Variants in ACTN2 observed in about 807,000 individuals in gnomAD.
ACTN2 encodes the protein actinin alpha 2, also known as alpha-actinin-2.
In ACTN2, 39 loss-of-function variants were observed where a neutral mutation model predicts 113.8. The observed-to-expected ratio is 0.34, with a 90% CI of 0.27 to 0.45. The LOEUF (loss-of-function observed/expected upper bound fraction) is 0.45, where lower values mean the gene tolerates loss of function less well. Among genes scored for constraint, ACTN2 ranks in the 20% least tolerant of loss-of-function variants. The probability of loss-of-function intolerance (pLI) is 1.00; values close to 1 mark genes in which losing one functional copy is unlikely to be tolerated. For missense variants in ACTN2, 992 were observed against 1,177.9 expected, an observed-to-expected ratio of 0.84 and a Z score of 2.31; for synonymous variants, 429 against 444.1, an observed-to-expected ratio of 0.97 and a Z score of 0.43.
In ACTN2 at chr1:236,747,086, C is replaced by T. The variant is rs139794795; in HGVS notation, c.1407-581C>T. On this transcript the variant is annotated intron_variant, in intron 12 of 20. Coordinates refer to ENST00000366578, the MANE Select transcript of ACTN2 (RefSeq NM_001103.4). The stretch of plus-strand genomic sequence containing the variant: ...CTCCAGGTCAGAGAGTGATGTCTTC[C>T]GACCTTCACTCATAGGGACATTGCC... 8.3e-3 allele frequency among the ~76,000 whole-genome samples: 1,270 copies of T among 152,260 alleles called. 19 individuals carry two copies. The highest frequency in any genetic ancestry group is 0.028 in the African/African-American group (1,157 of 41,534).
rs538379589 is a variant in ACTN2 at position 236,734,604 on chromosome 1, C to T, written c.698-1031C>T. ...CAATTGTTTTCCTCTTTTTTCCCCC[C>T]TCTCCTCCGAGTAAGGAGACTGTCT... On this transcript the variant is annotated intron_variant, in intron 7 of 20. Transcript: ENST00000366578. The T allele has an allele frequency of 4.0e-6, 4 of 988,624 alleles. No homozygotes were observed. The South Asian group carries it at 5.0e-5, about 12-fold the overall frequency. The allele number at this position is 988,624 out of a possible 1,614,324, so 61.2% of individuals were successfully genotyped here. A position where few individuals can be genotyped will look rare whatever the true frequency, so the allele number is the denominator to read the frequency against.
chr1:236,723,690 C>G (rs1349639340), intron 4 of ACTN2, among the ~76,000 whole-genome samples: 1 of 152,092 alleles, frequency 6.6e-6, no homozygotes, highest in Non-Finnish European at 1.5e-5. Context: ...CTCCTGACCT[C>G]AGGTAATCCA....
At chr1:236,736,186 A>T (rs1451871423) in intron 8 of ACTN2, among the ~76,000 whole-genome samples, 1 of 152,242 alleles carries the variant, frequency 6.6e-6, no homozygotes, top group African/African-American at 2.4e-5. Flanking sequence ...ACAGAGTTGG[A>T]ACCTCAAAAA....
At chr1:236,727,466 T>C (rs1658586379) in intron 5 of ACTN2, among the ~76,000 whole-genome samples, 1 of 152,010 alleles carries the variant, frequency 6.6e-6, no homozygotes, top group African/African-American at 2.4e-5. Flanking sequence ...AGGGCAAGTC[T>C]CAGGCAAGGA....
chr1:236,720,253 T>A, intron 4 of ACTN2, 62 bp downstream of exon 4: 1 of 1,351,058 alleles, frequency 7.4e-7, no homozygotes, highest in Admixed American at 1.7e-5. Context: ...GAATTAAAAT[T>A]TGAGCAAGAT....
In ACTN2 at chr1:236,715,132, C is replaced by T. The variant is rs180856037; in HGVS notation, c.127-2726C>T. Among the ~76,000 whole-genome samples the T allele has an allele frequency of 5.9e-3, 891 of 150,032 alleles. 4 individuals carry two copies. Among genetic ancestry groups the T allele is most frequent in the Non-Finnish European group, 1.0e-2 (675 of 67,668 alleles). Reference sequence around the variant, plus strand: ...GGATGGATTTTTCTTTGAACCCTTTCGTACCACTTGAATTTCTTTTTCCTT... The same window carrying T: ...GGATGGATTTTTCTTTGAACCCTTTTGTACCACTTGAATTTCTTTTTCCTT... On this transcript the variant is annotated intron_variant, in intron 1 of 20. Coordinates refer to ENST00000366578, the MANE Select transcript of ACTN2 (RefSeq NM_001103.4).
At chr1:236,737,301 A>ATATG in intron 9 of ACTN2, 87 bp downstream of exon 9, 1 of 232,840 alleles carries the variant, frequency 4.3e-6, no homozygotes, top group Non-Finnish European at 8.9e-6. Flanking sequence ...GTGGGGGCAT[A>ATATG]TATATATATA....
intron 5 of ACTN2, 109 bp downstream of exon 5, chr1:236,726,129 A>C: frequency 1.0e-6 from 1 of 979,188 alleles, no homozygotes; most frequent in Non-Finnish European, 1.6e-6. Flanking sequence ...GAAGCCTTTT[A>C]TGTATCGAGG....
intron 4 of ACTN2, among the ~76,000 whole-genome samples, chr1:236,722,960 C>T (rs1395106251): frequency 6.6e-6 from 1 of 152,168 alleles, no homozygotes; most frequent in East Asian, 1.9e-4. Context: ...GGAGGGTCAG[C>T]TTTGATTGTA....
At chr1:236,758,255 G>A (rs1221281423) in intron 18 of ACTN2, among the ~76,000 whole-genome samples, 1 of 151,182 alleles carries the variant, frequency 6.6e-6, no homozygotes, top group African/African-American at 2.4e-5. Context: ...GTGGCTGGAA[G>A]TGAGTGACTA....
rs190410490 is a variant in ACTN2 at position 236,728,431 on chromosome 1, C to G, written c.615+675C>G. The stretch of plus-strand genomic sequence containing the variant: ...GTGCTGGGATTACAGGCGTGAGCCC[C>G]TGTGCCCGGCCCATCCAAGCCTTTT... On this transcript the variant is annotated intron_variant, in intron 6 of 20. Coordinates refer to ENST00000366578, the MANE Select transcript of ACTN2 (RefSeq NM_001103.4). Among the ~76,000 whole-genome samples the G allele has an allele frequency of 5.5e-3, 844 of 152,334 alleles. 5 individuals carry two copies. Among genetic ancestry groups the G allele is most frequent in the Admixed American group, 0.013 (193 of 15,306 alleles).
At chr1:236,758,500 A>C (rs940683151) in intron 18 of ACTN2, among the ~76,000 whole-genome samples, 5 of 144,440 alleles carry the variant, frequency 3.5e-5, no homozygotes, top group African/African-American at 5.2e-5. Flanking sequence ...CATGTTAGGC[A>C]GGATGGTCTC....
chr1:236,724,380 A>G (rs1658486827), intron 4 of ACTN2, among the ~76,000 whole-genome samples: 2 of 152,214 alleles, frequency 1.3e-5, no homozygotes, highest in Admixed American at 1.3e-4. Flanking sequence ...GCGGGAAGAC[A>G]CCAACATTGA....
intron 12 of ACTN2, among the ~76,000 whole-genome samples, chr1:236,746,469 A>T (rs1048395880): frequency 6.6e-6 from 1 of 152,042 alleles, no homozygotes; most frequent in Non-Finnish European, 1.5e-5. Context: ...GTACTTTGGG[A>T]GGCTGAGGAG....
At chr1:236,734,645 G>T in intron 7 of ACTN2, 1 of 656,928 alleles carries the variant, frequency 1.5e-6, no homozygotes, top group South Asian at 2.1e-5. Context: ...CCAGGAGGCA[G>T]TTGTTTGTCT....
intron 9 of ACTN2, 21 bp downstream of exon 9, chr1:236,737,235 G>GCAGTTCTGT (rs771359484): frequency 1.3e-6 from 2 of 1,532,730 alleles, no homozygotes; most frequent in South Asian, 2.2e-5. Flanking sequence ...CTGGTGACCT[G>GCAGTTCTGT]CAGTTCTGTC....
At chr1:236,695,563 T>TTCCCCCCCCC (rs1553296741) in intron 1 of ACTN2, among the ~76,000 whole-genome samples, 14 of 100,790 alleles carry the variant, frequency 1.4e-4, no homozygotes, top group Non-Finnish European at 1.9e-4. Flanking sequence ...TGAAATGAGT[T>TTCCCCCCCCC]CCCCCCCCCT....
rs751385957 is a variant in ACTN2, at chr1:236,751,625, G to A, written c.1812G>A (p.Met604Ile). The A allele has an allele frequency of 3.1e-6, 5 of 1,613,856 alleles. No homozygotes were observed. Among genetic ancestry groups the A allele is most frequent in the Admixed American group, 3.3e-5 (2 of 59,996 alleles). ...SSSNPYSTVTMDELRTKWDKV... is the reference protein window; with the variant it reads ...SSSNPYSTVTIDELRTKWDKV... ...GCAACCCGTACAGCACTGTCACCATGGATGAGCTCCGGACCAAGTGGGACA... is the reference window on the plus strand; with the variant it reads ...GCAACCCGTACAGCACTGTCACCATAGATGAGCTCCGGACCAAGTGGGACA... Residue 604 changes from methionine (M) to isoleucine (I), a missense_variant, in exon 15 of 21, where the codon ATG (methionine) becomes ATA (isoleucine). Around this residue, in one of 3 missense-constraint regions of ACTN2, gnomAD observed 736 missense variants for 815.4 expected, o/e 0.90. Coordinates refer to ENST00000366578, the MANE Select transcript of ACTN2 (RefSeq NM_001103.4).
At chr1:236,692,234 A>G (rs954369035) in intron 1 of ACTN2, among the ~76,000 whole-genome samples, 31 of 152,252 alleles carry the variant, frequency 2.0e-4, no homozygotes, top group African/African-American at 7.5e-4. Context: ...TTAAATAACC[A>G]CATGTTGTTC....
Sources: gnomAD v4.1 joint callset for allele counts (sites outside exome capture counted in the v4.1 genomes callset) on GRCh38, gnomAD v4.1.1 for gene constraint, gnomAD v4.1.1 regional missense constraint, MANE v1.5 for transcripts, NCBI Gene and HGNC (gene_info 2026-07-23, HGNC 2026-07-21) for gene names.